The following ITGA9 variants were observed in gnomAD, a reference collection of about 807,000 sequenced individuals.
The protein encoded by ITGA9 is integrin subunit alpha 9, also known as integrin alpha-9.
Under a neutral mutation model 127.8 loss-of-function variants are expected in ITGA9, and 56 were observed. The observed-to-expected ratio is 0.44, with a 90% CI of 0.35 to 0.55. ITGA9 has a LOEUF of 0.55. ITGA9 is among the 20% of genes least tolerant of loss of function. The pLI is 0.00. For missense variants in ITGA9, 1,196 were observed against 1,347.1 expected, an observed-to-expected ratio of 0.89 and a Z score of 1.76; for synonymous variants, 508 against 514.5, an observed-to-expected ratio of 0.99 and a Z score of 0.17.
intron 18 of ITGA9, among the ~76,000 whole-genome samples, chr3:37,696,130 C>T (rs1700882589): frequency 1.3e-5 from 2 of 152,190 alleles, no homozygotes; most frequent in Non-Finnish European, 2.9e-5. Flanking sequence ...CAGCACCATG[C>T]CACAAGGTGG....
chr3:37,692,207 A>G (rs1700838773), intron 18 of ITGA9, among the ~76,000 whole-genome samples: 1 of 152,226 alleles, frequency 6.6e-6, no homozygotes, highest in Admixed American at 6.5e-5. Context: ...ACTCTGCCAC[A>G]CATGAGCTTA....
chr3:37,673,488 A>G (rs1489090125), intron 17 of ITGA9, among the ~76,000 whole-genome samples: 1 of 152,160 alleles, frequency 6.6e-6, no homozygotes, highest in East Asian at 1.9e-4. Flanking sequence ...TTTAAGCAGC[A>G]TCTCTGGCAG....
intron 25 of ITGA9, among the ~76,000 whole-genome samples, chr3:37,782,906 G>A (rs1387488532): frequency 1.3e-5 from 2 of 152,208 alleles, no homozygotes; most frequent in Non-Finnish European, 2.9e-5. Flanking sequence ...TTGGGAGGCT[G>A]AGGTGGGCAT....
At chr3:37,810,249 A>C (rs1169808381) in intron 27 of ITGA9, among the ~76,000 whole-genome samples, 1 of 152,244 alleles carries the variant, frequency 6.6e-6, no homozygotes, top group Non-Finnish European at 1.5e-5. Context: ...TGAGCAGAGC[A>C]GCTGGCCATG....
At chr3:37,569,223 A>G (rs757941685) in intron 15 of ITGA9, among the ~76,000 whole-genome samples, 38 of 152,046 alleles carry the variant, frequency 2.5e-4, no homozygotes, top group Non-Finnish European at 5.3e-4. Flanking sequence ...GTGCTGGGGA[A>G]CTCCTCATTA....
rs749496730 is a variant in ITGA9, at chr3:37,683,851, A to G, written c.1917-14A>G. ...GGCCTCAGGGCATTCATTGCTGTCTATTTTTCGTTACAGTATGGATGAGAA... is the reference window on the plus strand; with the variant it reads ...GGCCTCAGGGCATTCATTGCTGTCTGTTTTTCGTTACAGTATGGATGAGAA... On this transcript the variant is annotated splice_polypyrimidine_tract_variant and intron_variant, in intron 17 of 27. Coordinates refer to ENST00000264741, the MANE Select transcript of ITGA9 (RefSeq NM_002207.3). 1 of 1,613,574 alleles carries G rather than the reference A, an allele frequency of 6.2e-7. No individual in the cohort carries two copies. Among genetic ancestry groups the G allele is most frequent in the Non-Finnish European group, 8.5e-7 (1 of 1,179,904 alleles).
rs114924135 is a variant in ITGA9, at chr3:37,469,349, A to G, written c.186-1658A>G. On this transcript the variant is annotated intron_variant, in intron 1 of 27. Transcript: ENST00000264741. ...CGGTTTATAATTCCGCACTGCTGCTATTTTTTTTCCTATTTGCCCCTAAAT... is the reference window on the plus strand; with the variant it reads ...CGGTTTATAATTCCGCACTGCTGCTGTTTTTTTTCCTATTTGCCCCTAAAT... Among the ~76,000 whole-genome samples, 1,276 of 151,910 alleles carry G rather than the reference A, an allele frequency of 8.4e-3. 25 individuals are homozygous for G. The highest frequency in any genetic ancestry group is 0.029 in the African/African-American group (1,218 of 41,414).
chr3:37,678,572 C>T (rs891850109), intron 17 of ITGA9, among the ~76,000 whole-genome samples: 1 of 152,004 alleles, frequency 6.6e-6, no homozygotes, highest in Non-Finnish European at 1.5e-5. Flanking sequence ...TTTTTTAATG[C>T]AAATATAGTT....
intron 8 of ITGA9, among the ~76,000 whole-genome samples, chr3:37,512,205 TTTTCTTTCTTTC>T (rs200530082): frequency 1.3e-5 from 1 of 79,468 alleles, no homozygotes; most frequent in African/African-American, 5.9e-5. Flanking sequence ...TTTTCTTTTC[TTTTCTTTCTTTC>T]TTTCTTCTTT....
chr3:37,470,840 G>A (rs1431806914), intron 1 of ITGA9, among the ~76,000 whole-genome samples, 167 bp from the exon 2 acceptor site: 3 of 152,120 alleles, frequency 2.0e-5, no homozygotes, highest in Non-Finnish European at 2.9e-5. Flanking sequence ...AGATCTAACA[G>A]GTTTCACTTT....
intron 15 of ITGA9, among the ~76,000 whole-genome samples, chr3:37,576,620 T>A (rs895047138): frequency 6.6e-6 from 1 of 152,122 alleles, no homozygotes; most frequent in Non-Finnish European, 1.5e-5. Flanking sequence ...CCATAATGTG[T>A]TTTTGAGACA....
chr3:37,777,609 G>C, intron 24 of ITGA9, 92 bp downstream of exon 24: 3 of 1,450,732 alleles, frequency 2.1e-6, no homozygotes, highest in Non-Finnish European at 2.9e-6. Flanking sequence ...TCCTAAATCT[G>C]GTTTTAATCA....
intron 20 of ITGA9, among the ~76,000 whole-genome samples, chr3:37,737,405 C>T (rs2125531162): frequency 6.6e-6 from 1 of 152,324 alleles, no homozygotes; most frequent in South Asian, 2.1e-4. Context: ...GGCAGGTCAC[C>T]TGCAGCCTGA....
chr3:37,539,730 G>A (rs1299740332), intron 14 of ITGA9, among the ~76,000 whole-genome samples: 1 of 152,148 alleles, frequency 6.6e-6, no homozygotes, highest in African/African-American at 2.4e-5. Flanking sequence ...GGGTACTGTG[G>A]CCCAGCCAAG....
intron 4 of ITGA9, among the ~76,000 whole-genome samples, chr3:37,481,917 C>T (rs1366831323): frequency 6.6e-6 from 1 of 152,248 alleles, no homozygotes; most frequent in Non-Finnish European, 1.5e-5. Flanking sequence ...AGTGACCTAA[C>T]AGCTGCCTTG....
chr3:37,669,814 G>A (rs1700620647), intron 17 of ITGA9, among the ~76,000 whole-genome samples: 1 of 152,188 alleles, frequency 6.6e-6, no homozygotes, highest in African/African-American at 2.4e-5. Flanking sequence ...CTTCCACTGA[G>A]GCTTTGTTTT....
At chr3:37,789,476 T>C (rs1292459822) in intron 26 of ITGA9, among the ~76,000 whole-genome samples, 2 of 151,970 alleles carry the variant, frequency 1.3e-5, no homozygotes. Context: ...GAGTATGCGC[T>C]CAGCCAGGCG....
intron 5 of ITGA9, among the ~76,000 whole-genome samples, chr3:37,499,603 G>T (rs1407959448): frequency 6.6e-6 from 1 of 152,146 alleles, no homozygotes; most frequent in Non-Finnish European, 1.5e-5. Context: ...GCACCAGAAA[G>T]GTCACAAGCA....
At chr3:37,480,340 T>C (rs2125558211) in intron 3 of ITGA9, among the ~76,000 whole-genome samples, 1 of 152,324 alleles carries the variant, frequency 6.6e-6, no homozygotes, top group East Asian at 1.9e-4. Context: ...GCTTCGACCC[T>C]AGTGCTGAGA....
Sources: gnomAD v4.1 joint callset for allele counts (sites outside exome capture counted in the v4.1 genomes callset) on GRCh38, gnomAD v4.1.1 for gene constraint, MANE v1.5 for transcripts, NCBI Gene and HGNC (gene_info 2026-07-23, HGNC 2026-07-21) for gene names.